Variants in ADAMTS12 observed in about 807,000 individuals in gnomAD.
ADAMTS12 encodes ADAM metallopeptidase with thrombospondin type 1 motif 12, also known as A disintegrin and metalloproteinase with thrombospondin motifs 12.
Under a neutral mutation model 167.8 loss-of-function variants are expected in ADAMTS12, and 118 were observed. The ratio of observed to expected loss-of-function variants is 0.70; its 90% CI spans 0.61 to 0.82. The LOEUF is 0.82. Ranked by LOEUF, ADAMTS12 falls within the 40% of genes least tolerant of loss-of-function variation. ADAMTS12 has a pLI of 0.00. For missense variants in ADAMTS12, 1,916 were observed against 1,998.8 expected, an observed-to-expected ratio of 0.96 and a Z score of 0.79; for synonymous variants, 704 against 716.9, an observed-to-expected ratio of 0.98 and a Z score of 0.29.
intron 3 of ADAMTS12, among the ~76,000 whole-genome samples, chr5:33,740,355 G>C (rs532406780): frequency 3.3e-5 from 5 of 152,006 alleles, no homozygotes; most frequent in African/African-American, 1.2e-4. Flanking sequence ...CTAATCCCGG[G>C]GCCAGCTACA....
intron 18 of ADAMTS12, among the ~76,000 whole-genome samples, chr5:33,586,036 G>C (rs1647765662): frequency 6.6e-6 from 1 of 152,260 alleles, no homozygotes; most frequent in Middle Eastern, 3.4e-3. Flanking sequence ...TGGGCCTTTT[G>C]GATAAGTAAC....
At chr5:33,704,528 A>G (rs958772657) in intron 3 of ADAMTS12, among the ~76,000 whole-genome samples, 1 of 151,796 alleles carries the variant, frequency 6.6e-6, no homozygotes, top group African/African-American at 2.4e-5. Flanking sequence ...TGTGTTTTTG[A>G]TAATACCCCA....
At chr5:33,545,484 C>G (rs1422528395) in intron 22 of ADAMTS12, among the ~76,000 whole-genome samples, 1 of 152,150 alleles carries the variant, frequency 6.6e-6, no homozygotes, top group Non-Finnish European at 1.5e-5. Context: ...CTAGAAATAC[C>G]ATTTGACCCA....
intron 23 of ADAMTS12, among the ~76,000 whole-genome samples, chr5:33,531,852 A>C (rs1356041034): frequency 6.6e-6 from 1 of 152,124 alleles, no homozygotes; most frequent in African/African-American, 2.4e-5. Flanking sequence ...CCACTTTTTG[A>C]GAGTGGGGGA....
intron 2 of ADAMTS12, among the ~76,000 whole-genome samples, chr5:33,825,793 G>A (rs1052168709): frequency 3.9e-5 from 6 of 152,086 alleles, no homozygotes; most frequent in East Asian, 1.9e-4. Context: ...AAGACCAAAC[G>A]GCAAGCAATT....
chr5:33,881,028 C>CA (rs1750415769), intron 2 of ADAMTS12, 91 bp downstream of exon 2: 5 of 1,524,140 alleles, frequency 3.3e-6, no homozygotes, highest in African/African-American at 1.4e-5. Flanking sequence ...TCCCATATGT[C>CA]AGTGCATCTG....
chr5:33,716,143 G>A (rs533380788), intron 3 of ADAMTS12, among the ~76,000 whole-genome samples: 75 of 152,174 alleles, frequency 4.9e-4, no homozygotes, highest in Middle Eastern at 3.4e-3. Context: ...TGGGGCCCTC[G>A]TAAATGGGAT....
chr5:33,875,321 TA>T (rs1412661326), intron 2 of ADAMTS12, among the ~76,000 whole-genome samples: 2 of 152,114 alleles, frequency 1.3e-5, no homozygotes, highest in African/African-American at 4.8e-5. Flanking sequence ...ATGTAAACAA[TA>T]AACTTTAGGT....
chr5:33,542,913 A>G (rs1468028285), intron 22 of ADAMTS12, among the ~76,000 whole-genome samples: 1 of 152,220 alleles, frequency 6.6e-6, no homozygotes, highest in East Asian at 1.9e-4. Flanking sequence ...AGAAAGCAGG[A>G]AAGATCTAAA....
At chr5:33,799,022 A>C (rs1238019045) in intron 2 of ADAMTS12, among the ~76,000 whole-genome samples, 2 of 152,068 alleles carry the variant, frequency 1.3e-5, no homozygotes. Context: ...CTCACCATCT[A>C]CTTGTGGACA....
intron 12 of ADAMTS12, among the ~76,000 whole-genome samples, chr5:33,634,638 A>C (rs1315712211): frequency 2.0e-5 from 3 of 152,176 alleles, no homozygotes; most frequent in Non-Finnish European, 4.4e-5. Flanking sequence ...CAAGAGTTTG[A>C]AACCTTTGGC....
chr5:33,798,480 AC>A (rs1436048882), intron 2 of ADAMTS12, among the ~76,000 whole-genome samples: 4 of 121,720 alleles, frequency 3.3e-5, no homozygotes, highest in Non-Finnish European at 6.3e-5. Flanking sequence ...TCACTGTGTC[AC>A]CCAGGCTGGA....
chr5:33,767,942 G>A (rs894514329), intron 2 of ADAMTS12, among the ~76,000 whole-genome samples: 5 of 152,190 alleles, frequency 3.3e-5, no homozygotes, highest in African/African-American at 9.7e-5. Flanking sequence ...ATTGGAAATT[G>A]CATGAAATAA....
At chr5:33,833,921 G>A (rs1748409365) in intron 2 of ADAMTS12, among the ~76,000 whole-genome samples, 1 of 152,218 alleles carries the variant, frequency 6.6e-6, no homozygotes, top group Admixed American at 6.5e-5. Flanking sequence ...CACTGTCATA[G>A]GAAGGTACCA....
At chr5:33,827,786 T>C (rs1046958452) in intron 2 of ADAMTS12, among the ~76,000 whole-genome samples, 25 of 149,570 alleles carry the variant, frequency 1.7e-4, no homozygotes, top group Middle Eastern at 3.2e-3. Flanking sequence ...GCTAATGTAG[T>C]TTATTTTATA....
At chr5:33,751,879 A>T (rs1241840369) in intron 2 of ADAMTS12, among the ~76,000 whole-genome samples, 2 of 152,180 alleles carry the variant, frequency 1.3e-5, no homozygotes, top group Non-Finnish European at 2.9e-5. Context: ...ATGGATCCCA[A>T]ATGAAGACCC....
chr5:33,713,231 T>C (rs1186165312), intron 3 of ADAMTS12, among the ~76,000 whole-genome samples: 1 of 152,252 alleles, frequency 6.6e-6, no homozygotes, highest in East Asian at 1.9e-4. Context: ...TCAGCACACA[T>C]TGTTTTATCA....
intron 3 of ADAMTS12, among the ~76,000 whole-genome samples, chr5:33,698,599 T>A (rs576679634): frequency 9.6e-6 from 1 of 104,596 alleles, no homozygotes; most frequent in East Asian, 2.7e-4. Context: ...TCTAACAACT[T>A]AGGGGTAAGA....
chr5:33,571,926 A>G (rs1746373339), intron 19 of ADAMTS12, among the ~76,000 whole-genome samples: 1 of 152,226 alleles, frequency 6.6e-6, no homozygotes, highest in Non-Finnish European at 1.5e-5. Flanking sequence ...ATCACCACTG[A>G]TCCCACAGAA....
Sources: gnomAD v4.1 joint callset for allele counts (sites outside exome capture counted in the v4.1 genomes callset) on GRCh38, gnomAD v4.1.1 for gene constraint, MANE v1.5 for transcripts, NCBI Gene and HGNC (gene_info 2026-07-23, HGNC 2026-07-21) for gene names.